The following RAD51B variants were observed in gnomAD, a reference collection of about 807,000 sequenced individuals.
RAD51B encodes DNA repair protein RAD51 homolog 2.
RAD51B carries 38 observed loss-of-function variants against 42.2 expected under a neutral mutation model. The observed-to-expected ratio is 0.90, with a 90% confidence interval of 0.70 to 1.18. The LOEUF (loss-of-function observed/expected upper bound fraction) is 1.18. Among genes scored for constraint, RAD51B ranks in the 50% most tolerant of loss-of-function variants. RAD51B has a pLI of 0.00. For missense variants in RAD51B, 373 were observed against 400.7 expected (o/e 0.93, Z 0.59); for synonymous variants, 154 against 145.2 (o/e 1.06, Z -0.43).
In RAD51B at chr14:68,540,150, G is replaced by A. The variant is rs1887876693; in HGVS notation, c.1037-54335G>A. The A allele has an allele frequency of 3.0e-6, 3 of 994,726 alleles. No homozygotes were observed. The African/African-American group carries it at 5.2e-5, about 17-fold the overall frequency. The allele number at this position is 994,726 out of a possible 1,614,324, so 61.6% of individuals were successfully genotyped here. ...TTCCAAATGCCTCCAGGACATGAGG[G>A]AATCCTACCCTGCTCCTTTTTTTTT... On this transcript the variant is annotated intron_variant, in intron 10 of 10. Transcript: ENST00000487270.
intron 8 of RAD51B, among the ~76,000 whole-genome samples, chr14:68,386,552 G>C (rs1426389206): frequency 6.6e-6 from 1 of 152,164 alleles, no homozygotes; most frequent in Non-Finnish European, 1.5e-5. Flanking sequence ...GCTCATCCAA[G>C]AATTTTAGCA....
intron 7 of RAD51B, among the ~76,000 whole-genome samples, chr14:67,953,425 C>A (rs895555232): frequency 6.6e-6 from 1 of 152,016 alleles, no homozygotes; most frequent in Non-Finnish European, 1.5e-5. Context: ...AGCTTAGAGC[C>A]AGGTCATGGA....
rs1053032438 is a variant in RAD51B, at chr14:67,904,055, T to G, written c.756+16851T>G. On this transcript the variant is annotated intron_variant, in intron 7 of 10. Coordinates refer to ENST00000471583, the MANE Select transcript of RAD51B (RefSeq NM_133510.4). Reference sequence around the variant, plus strand: ...TTAGCCTAGGATAATGGCCTCCAGCTCCATCCATGTTGCTGCAAAGGACAT... The same window carrying G: ...TTAGCCTAGGATAATGGCCTCCAGCGCCATCCATGTTGCTGCAAAGGACAT... 4.6e-5 allele frequency among the ~76,000 whole-genome samples: 7 copies of G among 152,084 alleles called. No homozygotes were observed. In the South Asian group the frequency reaches 1.2e-3, roughly 27 times the overall value.
chr14:68,534,686 G>A (rs1365324113), intron 10 of RAD51B, among the ~76,000 whole-genome samples: 2 of 152,252 alleles, frequency 1.3e-5, no homozygotes, highest in South Asian at 4.2e-4. Flanking sequence ...TGGAGTGGGT[G>A]GATATTGGGT....
intron 7 of RAD51B, among the ~76,000 whole-genome samples, chr14:68,133,674 A>G (rs959672707): frequency 3.3e-5 from 5 of 152,046 alleles, no homozygotes; most frequent in African/African-American, 1.2e-4. Flanking sequence ...GAGTTTCACC[A>G]TATTGGCCAG....
chr14:68,161,092 C>T (rs1402613478), intron 7 of RAD51B, among the ~76,000 whole-genome samples: 1 of 152,084 alleles, frequency 6.6e-6, no homozygotes, highest in East Asian at 1.9e-4. Context: ...CTTTATAGGC[C>T]TATTATTTTC....
chr14:68,171,188 C>T (rs2078864659), intron 7 of RAD51B, among the ~76,000 whole-genome samples: 1 of 152,160 alleles, frequency 6.6e-6, no homozygotes, highest in Non-Finnish European at 1.5e-5. Flanking sequence ...ATCATTGTCT[C>T]ATATTTGTAA....
intron 11 of RAD51B, among the ~76,000 whole-genome samples, chr14:68,666,898 A>G (rs1893043003): frequency 6.6e-6 from 1 of 152,222 alleles, no homozygotes; most frequent in Non-Finnish European, 1.5e-5. Context: ...ATGGATATAC[A>G]TATGTAGATG....
chr14:68,557,092 A>G (rs981546677), intron 10 of RAD51B, among the ~76,000 whole-genome samples: 3 of 151,968 alleles, frequency 2.0e-5, no homozygotes, highest in Non-Finnish European at 2.9e-5. Context: ...TCCTTTCTAC[A>G]CTTTCAGGAG....
At chr14:68,637,576 A>G (rs564035577) in intron 10 of RAD51B, among the ~76,000 whole-genome samples, 53 of 152,258 alleles carry the variant, frequency 3.5e-4, no homozygotes, top group African/African-American at 1.2e-3. Context: ...GAAGTGAGGG[A>G]ATGTGATTGC....
At chr14:67,994,483 A>G (rs2075349320) in intron 7 of RAD51B, among the ~76,000 whole-genome samples, 1 of 152,188 alleles carries the variant, frequency 6.6e-6, no homozygotes, top group Non-Finnish European at 1.5e-5. Flanking sequence ...TACCCTTTTA[A>G]CAGTACCTTA....
At chr14:68,423,758 A>C (rs1375683279) in intron 9 of RAD51B, among the ~76,000 whole-genome samples, 1 of 151,996 alleles carries the variant, frequency 6.6e-6, no homozygotes, top group Non-Finnish European at 1.5e-5. Context: ...TTGGTGGAAT[A>C]CTCCCTTCAA....
chr14:68,053,576 A>G (rs2076427879), intron 7 of RAD51B, among the ~76,000 whole-genome samples: 1 of 152,210 alleles, frequency 6.6e-6, no homozygotes, highest in South Asian at 2.1e-4. Context: ...ACTGAGAATG[A>G]GAAGATAGAA....
chr14:68,633,129 G>A (rs909640034), intron 10 of RAD51B, among the ~76,000 whole-genome samples: 1 of 151,386 alleles, frequency 6.6e-6, no homozygotes, highest in African/African-American at 2.4e-5. Flanking sequence ...ACCCAGCCCT[G>A]GGCCTCTTTT....
At chr14:68,386,216 C>T (rs1440610335) in intron 8 of RAD51B, among the ~76,000 whole-genome samples, 1 of 152,128 alleles carries the variant, frequency 6.6e-6, no homozygotes, top group Non-Finnish European at 1.5e-5. Context: ...AGCTTTTGTG[C>T]TGTGGGTTCC....
chr14:68,485,242 TC>T (rs932224953), intron 10 of RAD51B, among the ~76,000 whole-genome samples: 2 of 152,124 alleles, frequency 1.3e-5, no homozygotes, highest in Non-Finnish European at 2.9e-5. Flanking sequence ...GTAGACCTGG[TC>T]CCCTTACACC....
intron 7 of RAD51B, among the ~76,000 whole-genome samples, chr14:68,277,989 C>T (rs777826780): frequency 6.6e-6 from 1 of 152,182 alleles, no homozygotes; most frequent in Non-Finnish European, 1.5e-5. Flanking sequence ...ATGATCTGCC[C>T]GTCTTGGCCT....
At chr14:68,251,575 T>A (rs2141021311) in intron 7 of RAD51B, among the ~76,000 whole-genome samples, 1 of 152,328 alleles carries the variant, frequency 6.6e-6, no homozygotes, top group Admixed American at 6.5e-5. Context: ...ATGATGAGCT[T>A]TAGTCTGAAG....
intron 11 of RAD51B, among the ~76,000 whole-genome samples, chr14:68,661,812 C>G (rs558622731): frequency 6.6e-6 from 1 of 152,318 alleles, no homozygotes; most frequent in Non-Finnish European, 1.5e-5. Context: ...TCACGTCCCA[C>G]TCTGACTGCC....
Sources: allele counts gnomAD v4.1 joint callset (sites outside exome capture counted in the v4.1 genomes callset), GRCh38; gene constraint gnomAD v4.1.1; transcripts MANE v1.5; gene names NCBI Gene and HGNC (gene_info 2026-07-23, HGNC 2026-07-21).